The following NINL variants were observed in gnomAD, a reference collection of about 807,000 sequenced individuals.
NINL encodes ninein-like protein.
NINL carries 153 observed loss-of-function variants against 160.3 expected under a neutral mutation model. That is an observed-to-expected ratio of 0.95 (90% CI 0.84 to 1.09). The LOEUF (loss-of-function observed/expected upper bound fraction) is 1.09, where lower values mean the gene tolerates loss of function less well. NINL is among the 50% of genes least tolerant of loss of function. NINL has a pLI of 0.00. For missense variants in NINL, 1,829 were observed against 1,764.0 expected (o/e 1.04, Z -0.66); for synonymous variants, 800 against 734.8 (o/e 1.09, Z -1.43).
chr20:25,576,159 C>T lies in NINL; in HGVS notation c.-12+9296G>A, dbSNP rs1261033350. On this transcript the variant is annotated intron_variant, in intron 1 of 23. Coordinates refer to ENST00000278886, the MANE Select transcript of NINL (RefSeq NM_025176.6). ...CCAATTCAGAGACAAGCACTGTACA[C>T]GGTTTTCCTGTCCCTTTAAACCAGA... Among the ~76,000 whole-genome samples, 7 of 152,186 alleles carry T rather than the reference C, an allele frequency of 4.6e-5. 1 individual carries two copies. The highest frequency in any genetic ancestry group is 1.3e-4 in the Admixed American group (2 of 15,282).
At chr20:25,507,142 C>T (rs900821457) in intron 5 of NINL, among the ~76,000 whole-genome samples, 18 of 152,298 alleles carry the variant, frequency 1.2e-4, no homozygotes, top group African/African-American at 3.8e-4. Context: ...GTTCCACATC[C>T]GGATCTATCT....
intron 8 of NINL, chr20:25,498,841 G>C: frequency 1.1e-6 from 1 of 946,752 alleles, no homozygotes; most frequent in Non-Finnish European, 1.3e-6. Flanking sequence ...AAGCTTTCCA[G>C]AGCGGGGTGT....
intron 21 of NINL, chr20:25,458,753 T>C (rs2235605): frequency 0.17 from 87,969 of 512,992 alleles, 8,583 homozygotes; most frequent in East Asian, 0.33. Flanking sequence ...GCAGAAAACA[T>C]GTCCATCACC....
intron 1 of NINL, among the ~76,000 whole-genome samples, chr20:25,568,932 ATAT>A (rs2065023809): frequency 6.7e-6 from 1 of 149,500 alleles, no homozygotes; most frequent in Non-Finnish European, 1.5e-5. Context: ...TCTCTACAAA[ATAT>A]TTTTTTTTTT....
At chr20:25,516,321 A>C (rs1418416505) in intron 3 of NINL, among the ~76,000 whole-genome samples, 12 of 152,234 alleles carry the variant, frequency 7.9e-5, no homozygotes. Flanking sequence ...AGTGTTGATA[A>C]GGAATAGGAC....
At chr20:25,474,259 C>G (rs1461106292) in intron 17 of NINL, among the ~76,000 whole-genome samples, 1 of 152,228 alleles carries the variant, frequency 6.6e-6, no homozygotes, top group Non-Finnish European at 1.5e-5. Flanking sequence ...GGGAGCTCCC[C>G]TCGGGGCCTC....
chr20:25,520,862 A>T (rs1399961492), intron 2 of NINL, among the ~76,000 whole-genome samples: 1 of 152,246 alleles, frequency 6.6e-6, no homozygotes, highest in Non-Finnish European at 1.5e-5. Context: ...ATATGCAGTT[A>T]TAAGAAAAAT....
Position 25,462,642 on chromosome 20 carries a change from A to ATTTGTTTTGTTTTGTTTTGT in NINL, c.3424-121_3424-102dup, listed in dbSNP as rs113237945. The ATTTGTTTTGTTTTGTTTTGT allele has an allele frequency of 2.1e-4, 179 of 838,090 alleles. No individual in the cohort carries two copies. In the East Asian group the frequency reaches 2.5e-3, roughly 12 times the overall value. 51.9% of individuals were successfully genotyped at this position (838,090 alleles called of 1,614,324 possible). A position where few individuals can be genotyped will look rare whatever the true frequency, so the allele number is the denominator to read the frequency against. Reference sequence around the variant, plus strand: ...TTGGCTATATTTTTATTAAGTAGTCATTTGTTTTGTTTTGTTTTGTTTTGT... The same window carrying ATTTGTTTTGTTTTGTTTTGT: ...TTGGCTATATTTTTATTAAGTAGTCATTTGTTTTGTTTTGTTTTGTTTTGTTTTGTTTTGTTTTGTTTTGT... On this transcript the variant is annotated intron_variant, in intron 19 of 23. Coordinates refer to ENST00000278886, the MANE Select transcript of NINL (RefSeq NM_025176.6).
intron 1 of NINL, among the ~76,000 whole-genome samples, chr20:25,574,553 A>G (rs1180384922): frequency 1.3e-5 from 2 of 152,064 alleles, no homozygotes; most frequent in Non-Finnish European, 2.9e-5. Flanking sequence ...CCTCCTCCTC[A>G]TGCATGCCCC....
chr20:25,490,443 C>A (rs912974351), intron 11 of NINL, among the ~76,000 whole-genome samples: 2 of 151,900 alleles, frequency 1.3e-5, no homozygotes, highest in Non-Finnish European at 2.9e-5. Context: ...GCCTGTAGTT[C>A]CAGCTACTCA....
intron 1 of NINL, among the ~76,000 whole-genome samples, chr20:25,557,671 C>G (rs1326550937): frequency 3.3e-5 from 5 of 151,932 alleles, no homozygotes; most frequent in African/African-American, 4.8e-5. Flanking sequence ...AAGCGAAACT[C>G]AACAGAATAA....
rs2062817577 is a variant in NINL at position 25,462,536 on chromosome 20, C to A, written c.3429G>T (p.Gln1143His). The change falls in exon 20 of 24, where the codon CAG becomes CAT. Residue 1143 changes from glutamine (Q) to histidine (H), a missense_variant. Gln to His is a conservative substitution (Grantham distance 24). Transcript: ENST00000278886. ...GCTGGGATAATTGATCCTTGTAGTT[C>A]TGATTCTGGGGGAAAAAGTTTTTAA... ...SEMEVLNRQN[Q>H]NYKDQLSQLN... The A allele has an allele frequency of 1.9e-6, 3 of 1,604,978 alleles. No individual in the cohort carries two copies. The highest frequency in any genetic ancestry group is 2.5e-6 in the Non-Finnish European group (3 of 1,177,516).
intron 1 of NINL, among the ~76,000 whole-genome samples, chr20:25,580,041 AAG>A (rs2065155481): frequency 1.6e-4 from 2 of 12,516 alleles, no homozygotes; most frequent in Non-Finnish European, 1.3e-3. Context: ...AGGTTATAAG[AAG>A]ATGTGTGGGC....
intron 1 of NINL, among the ~76,000 whole-genome samples, chr20:25,534,008 C>T (rs970115028): frequency 7.2e-5 from 11 of 152,260 alleles, no homozygotes; most frequent in Admixed American, 1.3e-4. Context: ...GAAGGCACTG[C>T]GGGGCCAGGA....
At chr20:25,468,253 C>T (rs1293045053) in intron 18 of NINL, among the ~76,000 whole-genome samples, 5 of 152,048 alleles carry the variant, frequency 3.3e-5, no homozygotes, top group Admixed American at 2.0e-4. Flanking sequence ...GCTCTGTCCC[C>T]GCCAACTCTC....
At chr20:25,522,048 T>C (rs1224957796) in intron 2 of NINL, among the ~76,000 whole-genome samples, 5 of 152,046 alleles carry the variant, frequency 3.3e-5, no homozygotes, top group Non-Finnish European at 4.4e-5. Flanking sequence ...TGGGTCTACA[T>C]GTGTGTACCA....
Position 25,453,438 on chromosome 20 carries a change from A to C in NINL, c.*13T>G. 6.3e-7 allele frequency: 1 copy of C among 1,578,440 alleles called. No homozygotes were observed. Among genetic ancestry groups the C allele is most frequent in the Non-Finnish European group, 8.6e-7 (1 of 1,160,726 alleles). On this transcript the variant is annotated 3_prime_UTR_variant, in exon 24 of 24. Transcript: ENST00000278886. ...GATGTGCTTTCGAATGAATCCTAGA[A>C]AATAATCTGTCTTTACACAGAGAGG...
At chr20:25,478,480 T>G (rs997932537) in intron 16 of NINL, among the ~76,000 whole-genome samples, 2 of 152,236 alleles carry the variant, frequency 1.3e-5, no homozygotes, top group African/African-American at 4.8e-5. Context: ...AGCACAGGCT[T>G]TCTGTAAGCC....
At chr20:25,470,983 T>A (rs1172043526) in intron 17 of NINL, among the ~76,000 whole-genome samples, 1 of 152,236 alleles carries the variant, frequency 6.6e-6, no homozygotes, top group African/African-American at 2.4e-5. Context: ...CTGAAAATAC[T>A]GAAAGCCACA....
Sources: allele counts gnomAD v4.1 joint callset (sites outside exome capture counted in the v4.1 genomes callset), GRCh38; gene constraint gnomAD v4.1.1; transcripts MANE v1.5; gene names NCBI Gene and HGNC (gene_info 2026-07-23, HGNC 2026-07-21).